Variants in TAX1BP1 observed in about 807,000 individuals in gnomAD.
The protein encoded by TAX1BP1 is tax1-binding protein 1.
In TAX1BP1, 62 loss-of-function variants were observed where a neutral mutation model predicts 97.7. The observed-to-expected ratio is 0.63, with a 90% CI of 0.52 to 0.78. TAX1BP1 has a LOEUF of 0.78. Among genes scored for constraint, TAX1BP1 ranks in the 30% least tolerant of loss-of-function variants. The pLI is 0.00. For synonymous variants in TAX1BP1, 340 were observed against 304.2 expected (o/e 1.12, Z -1.23); for missense variants, 867 against 916.1 (o/e 0.95, Z 0.69).
At chr7:27,795,744 G>A (rs1789903173) in intron 11 of TAX1BP1, among the ~76,000 whole-genome samples, 1 of 152,118 alleles carries the variant, frequency 6.6e-6, no homozygotes, top group East Asian at 1.9e-4. Context: ...AGTAGAGACA[G>A]GATTTCACCG....
intron 12 of TAX1BP1, among the ~76,000 whole-genome samples, chr7:27,798,828 A>T (rs1790030826): frequency 1.3e-5 from 2 of 150,486 alleles, no homozygotes; most frequent in South Asian, 4.2e-4. Context: ...TTTGCTCTTT[A>T]TCTCTTTGTG....
chr7:27,753,826 A>G (rs888559681), intron 2 of TAX1BP1, among the ~76,000 whole-genome samples: 1 of 151,782 alleles, frequency 6.6e-6, no homozygotes, highest in Non-Finnish European at 1.5e-5. Context: ...TTATTGTACT[A>G]TACTCACTTA....
chr7:27,793,063 T>A lies in TAX1BP1; in HGVS notation c.1264-3T>A. On this transcript the variant is annotated splice_polypyrimidine_tract_variant and splice_region_variant and intron_variant, in intron 9 of 16. Transcript: ENST00000396319. The stretch of plus-strand genomic sequence containing the variant: ...TTTTCTTCAAATGTTTGTTTCTTTC[T>A]AGGACAAGACTGATACACTGGAACA... The A allele has an allele frequency of 6.3e-7, 1 of 1,578,644 alleles. No homozygotes were observed. The highest frequency in any genetic ancestry group is 8.5e-7 in the Non-Finnish European group (1 of 1,171,390).
intron 7 of TAX1BP1, among the ~76,000 whole-genome samples, chr7:27,786,386 G>C (rs1789483094): frequency 6.6e-6 from 1 of 152,138 alleles, no homozygotes; most frequent in Non-Finnish European, 1.5e-5. Flanking sequence ...CTCCCAAAGT[G>C]CTGGGATTAC....
rs747066441 is a variant in TAX1BP1, at chr7:27,816,364, C to G, written c.1780C>G (p.Leu594Val). 1.8e-5 allele frequency: 28 copies of G among 1,576,198 alleles called. No homozygotes were observed. Among genetic ancestry groups the G allele is most frequent in the Middle Eastern group, 1.7e-4 (1 of 6,006 alleles). Residue 594 changes from leucine to valine, a missense_variant, in exon 14 of 17, where the codon CTA (leucine) becomes GTA (valine). By Grantham distance (32) the Leu-to-Val change is conservative. This residue lies in a region of TAX1BP1 where 822 missense variants were observed against 851.4 expected (regional missense o/e 0.97). Transcript: ENST00000396319. ...QDNYKELKRS[L>V]ENPAERKMEG... ...TTAATTTTAGGAACTTAAAAGGAGTCTAGAAAATCCAGCAGAAAGGAAAAT... is the reference window on the plus strand; with the variant it reads ...TTAATTTTAGGAACTTAAAAGGAGTGTAGAAAATCCAGCAGAAAGGAAAAT...
At chr7:27,824,105 G>A (rs994204047) in intron 15 of TAX1BP1, among the ~76,000 whole-genome samples, 2 of 152,154 alleles carry the variant, frequency 1.3e-5, no homozygotes, top group African/African-American at 4.8e-5. Flanking sequence ...ATCTGTTCAA[G>A]TCCTTGCTTT....
At chr7:27,819,036 A>G (rs781765908) in intron 15 of TAX1BP1, among the ~76,000 whole-genome samples, 18 of 152,294 alleles carry the variant, frequency 1.2e-4, no homozygotes, top group Non-Finnish European at 2.1e-4. Flanking sequence ...TTAATGTCAT[A>G]TATAATAAGT....
rs754343559 is a variant in TAX1BP1 at position 27,785,370 on chromosome 7, A to G, written c.762-29A>G. The G allele has an allele frequency of 1.1e-5, 18 of 1,598,500 alleles. No individual in the cohort carries two copies. In the Middle Eastern group the frequency reaches 5.0e-4, roughly 45 times the overall value. On this transcript the variant is annotated intron_variant, in intron 6 of 16. Coordinates refer to ENST00000396319, the MANE Select transcript of TAX1BP1 (RefSeq NM_006024.7). ...AAAAATTTTAAAACTTTAAAACATT[A>G]TAATGTTACTTTATCATACCTATCT...
At chr7:27,764,682 C>G (rs1788554568) in intron 3 of TAX1BP1, among the ~76,000 whole-genome samples, 1 of 151,926 alleles carries the variant, frequency 6.6e-6, no homozygotes, top group Non-Finnish European at 1.5e-5. Flanking sequence ...TTTTAGTATC[C>G]CTCTGTGCAT....
At chr7:27,803,180 G>A (rs1790203812) in intron 13 of TAX1BP1, 1 of 1,538,702 alleles carries the variant, frequency 6.5e-7, no homozygotes, top group Non-Finnish European at 8.8e-7. Flanking sequence ...CCAGGGAGAA[G>A]GTATTGAGCA....
chr7:27,824,573 A>G (rs1437188686), intron 15 of TAX1BP1, among the ~76,000 whole-genome samples: 2 of 148,436 alleles, frequency 1.3e-5, no homozygotes, highest in African/African-American at 2.5e-5. Context: ...AAAAAAAAAA[A>G]TTACTGTTCA....
chr7:27,809,359 G>A (rs755626656), intron 13 of TAX1BP1, among the ~76,000 whole-genome samples: 1 of 152,078 alleles, frequency 6.6e-6, no homozygotes, highest in Non-Finnish European at 1.5e-5. Context: ...CCATTACTGT[G>A]TTTTTTGGCC....
chr7:27,772,401 TATC>T (rs1788880169), intron 5 of TAX1BP1: 1 of 152,068 alleles, frequency 6.6e-6, no homozygotes, highest in Admixed American at 6.6e-5. Flanking sequence ...TGTTCTGATG[TATC>T]ATCTATAATT....
chr7:27,785,640 G>A, intron 7 of TAX1BP1, 151 bp downstream of exon 7: 1 of 655,518 alleles, frequency 1.5e-6, no homozygotes, highest in South Asian at 2.0e-5. Flanking sequence ...GTTGGCAAGG[G>A]GTGCAGTCAG....
chr7:27,821,444 A>C (rs1790969866), intron 15 of TAX1BP1, among the ~76,000 whole-genome samples: 1 of 152,022 alleles, frequency 6.6e-6, no homozygotes, highest in South Asian at 2.1e-4. Context: ...CAGCCTGGCC[A>C]ACATGGCAAA....
rs1791153236 is a variant in TAX1BP1 at position 27,825,754 on chromosome 7, T to C, written c.2086-1984T>C. Among the ~76,000 whole-genome samples the C allele has an allele frequency of 3.3e-5, 5 of 152,212 alleles. No homozygotes were observed. In the South Asian group the frequency reaches 1.0e-3, roughly 31 times the overall value. ...ACAAACTCTACTGTTAGCTGATTCA[T>C]GGAAGCAGTAAATTGGTGTAGGCTG... On this transcript the variant is annotated intron_variant, in intron 15 of 16. Transcript: ENST00000396319.
chr7:27,750,104 C>T (rs1265691802), intron 2 of TAX1BP1, among the ~76,000 whole-genome samples: 4 of 151,838 alleles, frequency 2.6e-5, no homozygotes, highest in Non-Finnish European at 5.9e-5. Flanking sequence ...GTAGTAGTTT[C>T]GATTTTATGG....
In TAX1BP1 at chr7:27,798,781, A is replaced by G. The variant is rs547060649; in HGVS notation, c.1639-1184A>G. 2.6e-5 allele frequency among the ~76,000 whole-genome samples: 4 copies of G among 151,768 alleles called. No individual in the cohort carries two copies. The South Asian group carries it at 8.3e-4, about 32-fold the overall frequency. On this transcript the variant is annotated intron_variant, in intron 12 of 16. Coordinates refer to ENST00000396319, the MANE Select transcript of TAX1BP1 (RefSeq NM_006024.7). ...CATTGTGGTTTTAATGTGCATTTGT[A>G]TAATGACTTGATGTTGAGCATCTTT...
chr7:27,785,839 G>T (rs1374547946), intron 7 of TAX1BP1, among the ~76,000 whole-genome samples: 4 of 152,174 alleles, frequency 2.6e-5, no homozygotes, highest in Non-Finnish European at 4.4e-5. Flanking sequence ...TCACAGTCAT[G>T]TTGTATATCA....
Sources: allele counts gnomAD v4.1 joint callset (sites outside exome capture counted in the v4.1 genomes callset), GRCh38; gene constraint gnomAD v4.1.1; regional missense constraint gnomAD v4.1.1; transcripts MANE v1.5; gene names NCBI Gene and HGNC (gene_info 2026-07-23, HGNC 2026-07-21).